NELL2: variants seen among roughly 807,000 people sequenced by gnomAD.
NELL2 encodes the protein protein kinase C-binding protein NELL2.
A neutral mutation model predicts 109.6 loss-of-function variants in NELL2; 41 were observed. The ratio of observed to expected loss-of-function variants is 0.37; its 90% CI spans 0.29 to 0.49. The LOEUF (loss-of-function observed/expected upper bound fraction) is 0.49. Ranked by LOEUF, NELL2 falls within the 20% of genes least tolerant of loss-of-function variation. The probability of loss-of-function intolerance (pLI) is 0.98; values close to 1 mark genes in which losing one functional copy is unlikely to be tolerated. For synonymous variants in NELL2, 355 were observed against 344.7 expected, an observed-to-expected ratio of 1.03 and a Z score of -0.33; for missense variants, 900 against 1,008.3, an observed-to-expected ratio of 0.89 and a Z score of 1.45.
At chr12:44,911,167 G>T (rs1945775474) in intron 1 of NELL2, among the ~76,000 whole-genome samples, 1 of 151,820 alleles carries the variant, frequency 6.6e-6, no homozygotes, top group Non-Finnish European at 1.5e-5. Flanking sequence ...TAAATAAATA[G>T]GTAAATAAAG....
At chr12:44,812,068 T>C (rs553853306) in intron 3 of NELL2, among the ~76,000 whole-genome samples, 7 of 152,070 alleles carry the variant, frequency 4.6e-5, no homozygotes, top group African/African-American at 1.4e-4. Context: ...AATGCACCCA[T>C]TGAAGCGCTG....
intron 16 of NELL2, among the ~76,000 whole-genome samples, chr12:44,529,580 G>A (rs1316251672): frequency 6.6e-6 from 1 of 152,150 alleles, no homozygotes; most frequent in East Asian, 1.9e-4. Flanking sequence ...GGGCATTTGC[G>A]AGAGTGAAAG....
At chr12:44,888,767 T>C (rs1280658085) in intron 1 of NELL2, among the ~76,000 whole-genome samples, 1 of 151,526 alleles carries the variant, frequency 6.6e-6, no homozygotes, top group East Asian at 1.9e-4. Context: ...GGGGATTAGG[T>C]TTTAGTCAAC....
chr12:44,781,051 A>G (rs1245888823), intron 3 of NELL2, among the ~76,000 whole-genome samples: 1 of 152,176 alleles, frequency 6.6e-6, no homozygotes, highest in Non-Finnish European at 1.5e-5. Context: ...TTGTAAAAAG[A>G]AAAAGAACAG....
At chr12:44,785,072 G>A (rs987503143) in intron 3 of NELL2, among the ~76,000 whole-genome samples, 1 of 152,126 alleles carries the variant, frequency 6.6e-6, no homozygotes, top group African/African-American at 2.4e-5. Context: ...TATTCAAATA[G>A]GAAGAAAGGA....
chr12:44,759,897 T>C (rs374252094), intron 9 of NELL2, among the ~76,000 whole-genome samples: 34 of 152,272 alleles, frequency 2.2e-4, no homozygotes, highest in African/African-American at 7.0e-4. Flanking sequence ...AGGAAAGAAC[T>C]CAACCTCCTT....
chr12:44,613,204 T>G (rs1458941676), intron 13 of NELL2, among the ~76,000 whole-genome samples: 6 of 152,110 alleles, frequency 3.9e-5, no homozygotes, highest in Non-Finnish European at 7.4e-5. Flanking sequence ...CTATCTATTT[T>G]CCCTAACACC....
Position 44,553,886 on chromosome 12 carries a change from C to T in NELL2, c.1664-21165G>A, listed in dbSNP as rs967720299. Among the ~76,000 whole-genome samples the T allele has an allele frequency of 2.0e-5, 3 of 152,286 alleles. No individual in the cohort carries two copies. The East Asian group carries it at 5.8e-4, about 29-fold the overall frequency. Reference sequence around the variant, plus strand: ...ATTATTCCACACACACACATGCACACACACGCACACATCTGTGCATTTAAG... The same window carrying T: ...ATTATTCCACACACACACATGCACATACACGCACACATCTGTGCATTTAAG... On this transcript the variant is annotated intron_variant, in intron 15 of 19. Coordinates refer to ENST00000429094, the MANE Select transcript of NELL2 (RefSeq NM_001145108.2).
At chr12:44,553,047 C>T (rs1283600473) in intron 15 of NELL2, among the ~76,000 whole-genome samples, 1 of 142,762 alleles carries the variant, frequency 7.0e-6, no homozygotes, top group African/African-American at 2.6e-5. Context: ...CATATTCTCA[C>T]TCATAGGTGG....
intron 12 of NELL2, among the ~76,000 whole-genome samples, chr12:44,667,861 A>G (rs181845221): frequency 2.0e-5 from 3 of 152,218 alleles, no homozygotes; most frequent in Non-Finnish European, 4.4e-5. Context: ...GACTCATATA[A>G]TCCTAGCCAC....
upstream of NELL2, among the ~76,000 whole-genome samples, chr12:44,916,718 C>G (rs910341223): frequency 1.2e-4 from 18 of 152,086 alleles, no homozygotes; most frequent in African/African-American, 4.1e-4. Flanking sequence ...TGAGCCCCTT[C>G]AAGGCAAACC....
chr12:44,607,344 C>G, intron 14 of NELL2, 80 bp from the exon 15 acceptor site: 1 of 1,055,626 alleles, frequency 9.5e-7, no homozygotes, highest in Non-Finnish European at 1.4e-6. Flanking sequence ...TTTCATTATC[C>G]CCTTGGAGAT....
At chr12:44,787,851 A>G (rs1469402077) in intron 3 of NELL2, among the ~76,000 whole-genome samples, 8 of 152,178 alleles carry the variant, frequency 5.3e-5, no homozygotes, top group African/African-American at 1.9e-4. Context: ...AAAATGTAAG[A>G]CTGTTAGGAT....
chr12:44,856,906 T>C (rs934816261), intron 2 of NELL2, among the ~76,000 whole-genome samples: 5 of 152,050 alleles, frequency 3.3e-5, no homozygotes, highest in Non-Finnish European at 7.4e-5. Flanking sequence ...AGCAAGAGTG[T>C]AAGCAGGCAG....
intron 13 of NELL2, among the ~76,000 whole-genome samples, chr12:44,656,778 A>C (rs912170837): frequency 5.9e-5 from 9 of 152,178 alleles, no homozygotes; most frequent in Non-Finnish European, 1.3e-4. Context: ...ATTATGGTAC[A>C]TGCACACACG....
chr12:44,667,757 T>C (rs1011888623), intron 12 of NELL2, among the ~76,000 whole-genome samples: 1 of 152,184 alleles, frequency 6.6e-6, no homozygotes, highest in African/African-American at 2.4e-5. Context: ...AGTGAAGCAG[T>C]TGGCCCAGGC....
chr12:44,632,949 A>T (rs1360658039), intron 13 of NELL2, among the ~76,000 whole-genome samples: 1 of 152,066 alleles, frequency 6.6e-6, no homozygotes, highest in Non-Finnish European at 1.5e-5. Context: ...ACACTAGTGG[A>T]TAGGACTACC....
intron 9 of NELL2, among the ~76,000 whole-genome samples, chr12:44,767,660 T>A (rs1941389946): frequency 6.6e-6 from 1 of 152,120 alleles, no homozygotes; most frequent in African/African-American, 2.4e-5. Flanking sequence ...AGAAATAAAA[T>A]AATAAACTAT....
intron 13 of NELL2, among the ~76,000 whole-genome samples, chr12:44,641,819 C>T (rs147232039): frequency 0.013 from 1,925 of 151,466 alleles, 20 homozygotes; most frequent in Non-Finnish European, 0.018. Context: ...GCCTCAGTCT[C>T]CCAAGTAGCT....
Sources: allele counts gnomAD v4.1 joint callset (sites outside exome capture counted in the v4.1 genomes callset), GRCh38; gene constraint gnomAD v4.1.1; transcripts MANE v1.5; gene names NCBI Gene and HGNC (gene_info 2026-07-23, HGNC 2026-07-21).